Variants in VWA3B observed in about 807,000 individuals in gnomAD.
The protein encoded by VWA3B is von Willebrand factor A domain containing 3B, also known as von Willebrand factor A domain-containing protein 3B.
In VWA3B, 138 loss-of-function variants were observed where a neutral mutation model predicts 158.3. The ratio of observed to expected loss-of-function variants is 0.87; its 90% CI spans 0.76 to 1.00. VWA3B has a LOEUF of 1.00. Ranked by LOEUF, VWA3B falls within the 50% of genes least tolerant of loss-of-function variation. VWA3B has a pLI of 0.00. For missense variants in VWA3B, 1,555 were observed against 1,565.1 expected (o/e 0.99, Z 0.11); for synonymous variants, 596 against 587.3 (o/e 1.01, Z -0.21).
At chr2:98,159,260 GT>G (rs1484473922) in intron 7 of VWA3B, among the ~76,000 whole-genome samples, 1 of 152,014 alleles carries the variant, frequency 6.6e-6, no homozygotes, top group African/African-American at 2.4e-5. Context: ...TTTTGGTTTG[GT>G]TTTTTTGTTT....
chr2:98,221,040 A>G (rs1684455636), intron 14 of VWA3B, among the ~76,000 whole-genome samples: 1 of 152,084 alleles, frequency 6.6e-6, no homozygotes, highest in Non-Finnish European at 1.5e-5. Context: ...TACCTAGGTG[A>G]CAGGTTGATA....
chr2:98,328,244 C>A, the VWA3B span, among the ~76,000 whole-genome samples: 1 of 152,190 alleles, frequency 6.6e-6, no homozygotes, highest in African/African-American at 2.4e-5. Context: ...CAGGTATCAT[C>A]ATACTTAACA....
intron 25 of VWA3B, 57 bp from the exon 26 acceptor site, chr2:98,303,645 T>C: frequency 6.6e-7 from 1 of 1,505,562 alleles, no homozygotes; most frequent in Non-Finnish European, 9.2e-7. Flanking sequence ...TAAAATTGTA[T>C]CTGAATTGTG....
intron 22 of VWA3B, among the ~76,000 whole-genome samples, chr2:98,275,135 G>T (rs1688442835): frequency 6.6e-6 from 1 of 152,200 alleles, no homozygotes; most frequent in Admixed American, 6.5e-5. Context: ...GGTGGGACTT[G>T]GTTTGTGGTG....
intron 22 of VWA3B, among the ~76,000 whole-genome samples, chr2:98,288,430 C>T (rs1244480161): frequency 6.6e-6 from 1 of 152,126 alleles, no homozygotes; most frequent in Non-Finnish European, 1.5e-5. Context: ...GGGACTTGGG[C>T]AATGGTTTAC....
chr2:98,268,852 A>T (rs959141666), intron 21 of VWA3B, among the ~76,000 whole-genome samples: 16 of 152,152 alleles, frequency 1.1e-4, no homozygotes, highest in African/African-American at 3.9e-4. Context: ...AGCGTAAGTC[A>T]AATGGTTTAA....
At chr2:98,320,770 C>G in the VWA3B span, among the ~76,000 whole-genome samples, 1 of 152,250 alleles carries the variant, frequency 6.6e-6, no homozygotes, top group East Asian at 1.9e-4. Flanking sequence ...GGTGACAGAG[C>G]GTAGAAGTTC....
At chr2:98,101,274 G>A (rs531765473) in intron 2 of VWA3B, among the ~76,000 whole-genome samples, 19 of 152,316 alleles carry the variant, frequency 1.2e-4, no homozygotes, top group African/African-American at 4.1e-4. Context: ...ATGAAAATGT[G>A]TGAGGGTATA....
At chr2:98,256,382 C>A (rs924102402) in intron 21 of VWA3B, among the ~76,000 whole-genome samples, 1 of 152,106 alleles carries the variant, frequency 6.6e-6, no homozygotes, top group African/African-American at 2.4e-5. Flanking sequence ...TCCTGTCTCC[C>A]CCTTTTCTGG....
rs201470274 is a variant in VWA3B, at chr2:98,294,184, T to TCACACA, written c.3157+3577_3157+3582dup. ...GTTCACTGTGAGTCACTATTTTCCCTCACACACACACACACACACAAAAAA... is the reference window on the plus strand; with the variant it reads ...GTTCACTGTGAGTCACTATTTTCCCTCACACACACACACACACACACACACAAAAAA... On this transcript the variant is annotated intron_variant, in intron 23 of 27. Coordinates refer to ENST00000477737, the MANE Select transcript of VWA3B (RefSeq NM_144992.5). Among the ~76,000 whole-genome samples the TCACACA allele has an allele frequency of 2.4e-3, 164 of 68,100 alleles. 7 individuals are homozygous for TCACACA. Among genetic ancestry groups the TCACACA allele is most frequent in the East Asian group, 0.017 (46 of 2,656 alleles). The allele number at this position is 68,100 out of a possible 152,430, so 44.7% of individuals were successfully genotyped here.
chr2:98,309,985 C>G (rs1316508754), intron 26 of VWA3B, among the ~76,000 whole-genome samples: 1 of 152,130 alleles, frequency 6.6e-6, no homozygotes, highest in African/African-American at 2.4e-5. Flanking sequence ...TGTGGTGGTG[C>G]CCTAGGACAT....
chr2:98,180,586 C>G (rs1680488201), intron 8 of VWA3B, among the ~76,000 whole-genome samples: 1 of 152,224 alleles, frequency 6.6e-6, no homozygotes, highest in African/African-American at 2.4e-5. Context: ...TGCCTAAGCT[C>G]AGAGAGGTCA....
chr2:98,297,676 C>T (rs78880364), intron 23 of VWA3B, among the ~76,000 whole-genome samples: 117 of 152,288 alleles, frequency 7.7e-4, no homozygotes, highest in African/African-American at 2.7e-3. Flanking sequence ...AGTCCATTCT[C>T]ACTGGTTCTC....
Position 98,256,125 on chromosome 2 carries a change from C to T in VWA3B, c.2794C>T (p.Arg932Cys), listed in dbSNP as rs768838399. 30 of 1,612,194 alleles carry T rather than the reference C, an allele frequency of 1.9e-5. No individual in the cohort carries two copies. In the South Asian group the frequency reaches 2.7e-4, roughly 15 times the overall value. The change falls in exon 21 of 28, where the codon CGC (arginine) becomes TGC (cysteine). Residue 932 changes from arginine (R) to cysteine (C), a missense_variant and splice_region_variant. Arg to Cys is a radical substitution (Grantham distance 180, BLOSUM62 -3). Coordinates refer to ENST00000477737, the MANE Select transcript of VWA3B (RefSeq NM_144992.5). The stretch of plus-strand genomic sequence containing the variant: ...TTGTTGACTTTTTTTTTTTAACAGG[C>T]GCTTGAATAAAATTGTTTGGCGAGC... The part of the protein sequence containing the change: ...VEQAIQSYEK[R>C]LNKIVWRALS...
At chr2:98,207,128 C>T (rs990089054) in intron 12 of VWA3B, 1 of 537,486 alleles carries the variant, frequency 1.9e-6, no homozygotes, top group Admixed American at 2.2e-5. Context: ...ATCCCTTCTG[C>T]TGTGGGCTAT....
chr2:98,151,587 T>C (rs1281857642), intron 7 of VWA3B, among the ~76,000 whole-genome samples: 1 of 152,096 alleles, frequency 6.6e-6, no homozygotes, highest in East Asian at 1.9e-4. Context: ...AAAGTGAACG[T>C]TTGATGAACA....
intron 22 of VWA3B, among the ~76,000 whole-genome samples, chr2:98,284,572 A>T (rs549532242): frequency 6.6e-6 from 1 of 152,352 alleles, no homozygotes; most frequent in South Asian, 2.1e-4. Flanking sequence ...TATGCATTGA[A>T]TATTTTATTT....
chr2:98,196,865 CA>C (rs543387881), intron 12 of VWA3B, among the ~76,000 whole-genome samples: 4 of 152,336 alleles, frequency 2.6e-5, no homozygotes, highest in Non-Finnish European at 5.9e-5. Context: ...TTTAGACTTA[CA>C]AAAAAGTTGC....
Position 98,188,008 on chromosome 2 carries a change from T to C in VWA3B, c.1345T>C (p.Cys449Arg). The change falls in exon 10 of 28, where the codon TGC becomes CGC. Residue 449 changes from cysteine to arginine, a missense_variant. Physicochemically the swap from Cys to Arg is radical, Grantham distance 180. Transcript: ENST00000477737. The stretch of plus-strand genomic sequence containing the variant: ...CAAGAAGACAGTCCATGCAAAATAT[T>C]GCAGCAGGTTTGTCCATGCTCCCTG... ...TNKKTVHAKY[C>R]SRFVHAPWKD... 6.2e-7 allele frequency: 1 copy of C among 1,613,768 alleles called. No individual in the cohort carries two copies. The highest frequency in any genetic ancestry group is 8.5e-7 in the Non-Finnish European group (1 of 1,179,918).
Sources: gnomAD v4.1 joint callset for allele counts (sites outside exome capture counted in the v4.1 genomes callset) on GRCh38, gnomAD v4.1.1 for gene constraint, MANE v1.5 for transcripts, NCBI Gene and HGNC (gene_info 2026-07-23, HGNC 2026-07-21) for gene names.